Variants in ITSN1 observed in about 807,000 individuals in gnomAD.
ITSN1 encodes the protein intersectin-1.
In ITSN1, 58 loss-of-function variants were observed where a neutral mutation model predicts 239.8. The observed-to-expected ratio is 0.24, with a 90% CI of 0.20 to 0.30. ITSN1 has a LOEUF of 0.30. Ranked by LOEUF, ITSN1 falls within the 10% of genes least tolerant of loss-of-function variation. ITSN1 has a pLI of 1.00. For missense variants in ITSN1, 1,558 were observed against 2,103.3 expected, an observed-to-expected ratio of 0.74 and a Z score of 5.07; for synonymous variants, 780 against 770.8, an observed-to-expected ratio of 1.01 and a Z score of -0.20.
At chr21:33,680,827 G>A (rs951797101) in intron 1 of ITSN1, among the ~76,000 whole-genome samples, 2 of 152,226 alleles carry the variant, frequency 1.3e-5, no homozygotes, top group African/African-American at 4.8e-5. Flanking sequence ...AGTCAGCACA[G>A]CCAGGGTGGA....
At chr21:33,710,380 T>TA (rs1275629082) in intron 1 of ITSN1, among the ~76,000 whole-genome samples, 7 of 152,082 alleles carry the variant, frequency 4.6e-5, no homozygotes, top group Non-Finnish European at 8.8e-5. Flanking sequence ...TGGTTTTTTT[T>TA]AATCATGATT....
intron 27 of ITSN1, among the ~76,000 whole-genome samples, chr21:33,830,897 G>A (rs2074255688): frequency 6.6e-6 from 1 of 151,236 alleles, no homozygotes; most frequent in Non-Finnish European, 1.5e-5. Context: ...CAGAGAAGAG[G>A]GTGGGGGGGG....
At chr21:33,802,530 T>C (rs1485906271) in intron 20 of ITSN1, 86 bp downstream of exon 20, 9 of 1,314,728 alleles carry the variant, frequency 6.8e-6, no homozygotes, top group African/African-American at 1.5e-5. Context: ...TAAGTACACG[T>C]ATCTCTGGGT....
intron 24 of ITSN1, among the ~76,000 whole-genome samples, chr21:33,821,622 C>T (rs1465053985): frequency 6.6e-6 from 1 of 152,160 alleles, no homozygotes; most frequent in Non-Finnish European, 1.5e-5. Flanking sequence ...CCTAAAGCCA[C>T]TCTCAGATGT....
intron 5 of ITSN1, among the ~76,000 whole-genome samples, chr21:33,748,378 G>A (rs1391743241): frequency 1.3e-5 from 2 of 152,164 alleles, no homozygotes; most frequent in Non-Finnish European, 2.9e-5. Flanking sequence ...GAGCCCAGGA[G>A]TTCAAGGTTA....
chr21:33,838,879 C>T (rs2074727347), intron 29 of ITSN1, among the ~76,000 whole-genome samples: 1 of 152,184 alleles, frequency 6.6e-6, no homozygotes. Context: ...GGTGAACACC[C>T]CCAAAATTAT....
intron 1 of ITSN1, among the ~76,000 whole-genome samples, chr21:33,704,008 C>T (rs146181720): frequency 6.6e-6 from 1 of 152,264 alleles, no homozygotes; most frequent in African/African-American, 2.4e-5. Flanking sequence ...AGAAGAATGC[C>T]TTTCCTTTTC....
intron 29 of ITSN1, among the ~76,000 whole-genome samples, chr21:33,840,742 C>A (rs1186435228): frequency 6.6e-6 from 1 of 152,230 alleles, no homozygotes; most frequent in Non-Finnish European, 1.5e-5. Context: ...AGGTGATCCA[C>A]CCACCTCGGC....
intron 1 of ITSN1, among the ~76,000 whole-genome samples, chr21:33,686,537 T>C (rs1482305375): frequency 1.3e-5 from 2 of 152,216 alleles, no homozygotes; most frequent in South Asian, 2.1e-4. Context: ...TGCTCGCCGA[T>C]GTATCCTTCT....
In ITSN1 at chr21:33,892,729, C is replaced by A. The variant is rs1602744784; in HGVS notation, c.*4429C>A. 6.6e-6 allele frequency: 1 copy of A among 152,200 alleles called. No individual in the cohort carries two copies. The highest frequency in any genetic ancestry group is 1.5e-5 in the Non-Finnish European group (1 of 68,058). The allele number at this position is 152,200 out of a possible 1,614,324, so 9.4% of individuals were successfully genotyped here. A position where few individuals can be genotyped will look rare whatever the true frequency, so the allele number is the denominator to read the frequency against. The stretch of plus-strand genomic sequence containing the variant: ...GTAGACACTCAGTTCATTTTAGGGA[C>A]GTTCAATGCTTGATCAAATGGGGGG... On this transcript the variant is annotated 3_prime_UTR_variant, in exon 40 of 40. Coordinates refer to ENST00000381318, the MANE Select transcript of ITSN1 (RefSeq NM_003024.3).
At chr21:33,707,136 A>G (rs2092278039) in intron 1 of ITSN1, among the ~76,000 whole-genome samples, 1 of 152,222 alleles carries the variant, frequency 6.6e-6, no homozygotes, top group African/African-American at 2.4e-5. Flanking sequence ...AATTCCATCA[A>G]CATAGATATG....
At chr21:33,667,094 C>T (rs929658892) in intron 1 of ITSN1, among the ~76,000 whole-genome samples, 3 of 151,240 alleles carry the variant, frequency 2.0e-5, no homozygotes, top group African/African-American at 7.3e-5. Flanking sequence ...TCTGAGATTA[C>T]AGAATTTGTA....
rs1228689726 is a variant in ITSN1, at chr21:33,782,090, G to C, written c.1781G>C (p.Arg594Thr). 1.2e-6 allele frequency: 2 copies of C among 1,613,686 alleles called. No individual in the cohort carries two copies. Among genetic ancestry groups the C allele is most frequent in the African/African-American group, 2.7e-5 (2 of 74,906 alleles). The change falls in exon 16 of 40, where the codon AGA becomes ACA. Residue 594 changes from arginine to threonine, a missense_variant. Physicochemically the swap from Arg to Thr is moderately conservative, Grantham distance 71. Transcript: ENST00000381318. ...DQLDEVEKET[R>T]SKLQEIDIFN... ...CTGGATGAAGTGGAGAAAGAAACTA[G>C]ATCAAAACTACAGGAGATTGATATT...
chr21:33,876,102 C>CTCT (rs1441712849), intron 34 of ITSN1, among the ~76,000 whole-genome samples: 6,436 of 105,784 alleles, frequency 0.061, 253 homozygotes, highest in South Asian at 0.1. Flanking sequence ...TCTTTCTTTC[C>CTCT]TTCTTTCTTT....
intron 8 of ITSN1, among the ~76,000 whole-genome samples, chr21:33,756,041 C>T (rs1042518686): frequency 9.2e-5 from 14 of 151,996 alleles, no homozygotes; most frequent in Non-Finnish European, 1.6e-4. Flanking sequence ...CAGTGGCTCA[C>T]GCCTGTAATC....
intron 15 of ITSN1, among the ~76,000 whole-genome samples, chr21:33,781,768 G>A (rs1241994071): frequency 2.0e-5 from 3 of 152,084 alleles, no homozygotes; most frequent in African/African-American, 7.2e-5. Flanking sequence ...TAGTAGAGAT[G>A]GGGTTTCACT....
chr21:33,888,321 T>C lies in ITSN1; in HGVS notation c.*21T>C, dbSNP rs370825003. The C allele has an allele frequency of 6.2e-7, 1 of 1,600,280 alleles. No homozygotes were observed. The stretch of plus-strand genomic sequence containing the variant: ...CGTAGGCAGCGGGCTCAGGGTGTGC[T>C]CAGCAGGGTCCCAGCCCACGGCCAC... On this transcript the variant is annotated 3_prime_UTR_variant, in exon 40 of 40. Transcript: ENST00000381318.
At chr21:33,848,241 G>C (rs2075044289) in intron 29 of ITSN1, among the ~76,000 whole-genome samples, 1 of 152,238 alleles carries the variant, frequency 6.6e-6, no homozygotes, top group South Asian at 2.1e-4. Context: ...ACACGAGGCT[G>C]TTAGGGTGAG....
At chr21:33,851,971 T>C (rs1978401989) in intron 29 of ITSN1, among the ~76,000 whole-genome samples, 1 of 151,438 alleles carries the variant, frequency 6.6e-6, no homozygotes, top group Non-Finnish European at 1.5e-5. Context: ...TTTTTGTAGA[T>C]ATGGGTGTCT....
Sources: gnomAD v4.1 joint callset for allele counts (sites outside exome capture counted in the v4.1 genomes callset) on GRCh38, gnomAD v4.1.1 for gene constraint, MANE v1.5 for transcripts, NCBI Gene and HGNC (gene_info 2026-07-23, HGNC 2026-07-21) for gene names.